The following C8orf34 variants were observed in gnomAD, a reference collection of about 807,000 sequenced individuals.
C8orf34 encodes the protein chromosome 8 open reading frame 34, also known as uncharacterized protein C8orf34.
C8orf34 carries 65 observed loss-of-function variants against 68.3 expected under a neutral mutation model. The observed-to-expected ratio is 0.95, with a 90% CI of 0.78 to 1.17. The LOEUF (loss-of-function observed/expected upper bound fraction) is 1.17, where lower values mean the gene tolerates loss of function less well. C8orf34 is among the 50% of genes most tolerant of loss of function. The probability of loss-of-function intolerance (pLI) is 0.00; values close to 1 mark genes in which losing one functional copy is unlikely to be tolerated. For missense variants in C8orf34, 664 were observed against 655.4 expected (o/e 1.01, Z -0.14); for synonymous variants, 244 against 241.2 (o/e 1.01, Z -0.11).
At chr8:68,779,043 G>A (rs989281257) in intron 11 of C8orf34, among the ~76,000 whole-genome samples, 1 of 151,976 alleles carries the variant, frequency 6.6e-6, no homozygotes, top group Non-Finnish European at 1.5e-5. Context: ...CAGGCATAGT[G>A]GCACACACCT....
chr8:68,561,585 T>G (rs1816429603), intron 7 of C8orf34, among the ~76,000 whole-genome samples: 1 of 151,986 alleles, frequency 6.6e-6, no homozygotes, highest in African/African-American at 2.4e-5. Flanking sequence ...GGTGGAATCC[T>G]GTCTCTACTA....
intron 7 of C8orf34, among the ~76,000 whole-genome samples, chr8:68,610,822 T>A (rs1215868930): frequency 6.6e-6 from 1 of 151,644 alleles, no homozygotes; most frequent in African/African-American, 2.4e-5. Flanking sequence ...AGAAAAAAAA[T>A]TGGATTAATT....
chr8:68,794,584 A>G (rs1417045443), intron 12 of C8orf34, among the ~76,000 whole-genome samples: 4 of 143,782 alleles, frequency 2.8e-5, no homozygotes, highest in Non-Finnish European at 6.0e-5. Context: ...AGCTCACTGC[A>G]GCCTCAACCT....
intron 8 of C8orf34, among the ~76,000 whole-genome samples, chr8:68,659,708 T>A (rs547580783): frequency 6.6e-6 from 1 of 152,094 alleles, no homozygotes; most frequent in African/African-American, 2.4e-5. Context: ...CTTAAAAGAT[T>A]ACTTCAGTTT....
chr8:68,345,083 A>C (rs765653115), intron 1 of C8orf34, among the ~76,000 whole-genome samples: 39 of 152,092 alleles, frequency 2.6e-4, no homozygotes, highest in Non-Finnish European at 4.9e-4. Flanking sequence ...CAGACAGAGC[A>C]GGAATTTTAA....
At position 68,470,130 on chromosome 8, in the gene C8orf34, T is replaced by G. The variant is rs552825041; in HGVS notation, c.736+1310T>G. Among the ~76,000 whole-genome samples the G allele has an allele frequency of 2.0e-5, 3 of 152,166 alleles. No homozygotes were observed. The South Asian group carries it at 6.2e-4, about 31-fold the overall frequency. ...AGCTCCACGTTTGGTTAAATTTCCT[T>G]TTGTAGAAAATAAGAGTAAAGTGAG... On this transcript the variant is annotated intron_variant, in intron 4 of 13. Coordinates refer to ENST00000518698, the MANE Select transcript of C8orf34 (RefSeq NM_052958.4).
intron 12 of C8orf34, among the ~76,000 whole-genome samples, chr8:68,793,889 A>G (rs796618930): frequency 1.3e-5 from 2 of 152,314 alleles, no homozygotes; most frequent in African/African-American, 4.8e-5. Flanking sequence ...ACAGGAAATG[A>G]GGGGGAGAAA....
intron 6 of C8orf34, among the ~76,000 whole-genome samples, chr8:68,522,599 C>T (rs1277624855): frequency 2.0e-5 from 3 of 152,038 alleles, no homozygotes; most frequent in African/African-American, 4.8e-5. Flanking sequence ...CTTTACGTGC[C>T]CATGTGCTGG....
In C8orf34 at chr8:68,552,705, T is replaced by C. The variant is rs563137391; in HGVS notation, c.1105+19556T>C. Among the ~76,000 whole-genome samples the C allele has an allele frequency of 2.3e-4, 35 of 152,192 alleles. No homozygotes were observed. In the South Asian group the frequency reaches 7.1e-3, roughly 31 times the overall value. ...CATTAAGTATATGTTGGCTGTGGAT[T>C]TTTTGTAGATTCTCTGTTAACTTGA... On this transcript the variant is annotated intron_variant, in intron 7 of 13. Transcript: ENST00000518698.
At chr8:68,359,072 A>T (rs979814055) in intron 1 of C8orf34, among the ~76,000 whole-genome samples, 5 of 152,158 alleles carry the variant, frequency 3.3e-5, no homozygotes, top group Non-Finnish European at 7.4e-5. Flanking sequence ...CTTACCAAAC[A>T]TTAAAAAGGA....
rs142604975 is a variant in C8orf34 at position 68,398,259 on chromosome 8, A to G, written c.328-41240A>G. The stretch of plus-strand genomic sequence containing the variant: ...TTTATTTAGTCTTTTAGCCAACAGA[A>G]GTCTTCAGGGCCTCTTAATTTAAAA... On this transcript the variant is annotated intron_variant, in intron 1 of 13. Coordinates refer to ENST00000518698, the MANE Select transcript of C8orf34 (RefSeq NM_052958.4). Among the ~76,000 whole-genome samples the G allele has an allele frequency of 1.1e-3, 173 of 152,316 alleles. 3 individuals are homozygous for G. The East Asian group carries it at 0.03, about 26-fold the overall frequency.
At chr8:68,494,098 C>G (rs1813423026) in intron 5 of C8orf34, among the ~76,000 whole-genome samples, 2 of 151,990 alleles carry the variant, frequency 1.3e-5, no homozygotes, top group Non-Finnish European at 1.5e-5. Context: ...TCACAATGAC[C>G]AAGAGGTGAA....
At chr8:68,444,937 G>A (rs562050755) in intron 2 of C8orf34, among the ~76,000 whole-genome samples, 1 of 152,200 alleles carries the variant, frequency 6.6e-6, no homozygotes, top group East Asian at 1.9e-4. Flanking sequence ...TCCAAGAATG[G>A]ATATAGAAAG....
At chr8:68,584,295 C>G (rs1473033678) in intron 7 of C8orf34, among the ~76,000 whole-genome samples, 1 of 151,700 alleles carries the variant, frequency 6.6e-6, no homozygotes, top group Non-Finnish European at 1.5e-5. Flanking sequence ...ATAGCGTTCT[C>G]TGAGAAAAAA....
At chr8:68,611,178 A>G (rs1818012605) in intron 7 of C8orf34, among the ~76,000 whole-genome samples, 1 of 152,146 alleles carries the variant, frequency 6.6e-6, no homozygotes, top group Non-Finnish European at 1.5e-5. Context: ...GTGAATCTTA[A>G]GATGAGTTTT....
intron 1 of C8orf34, among the ~76,000 whole-genome samples, chr8:68,367,678 T>C: frequency 7.2e-6 from 1 of 139,604 alleles, no homozygotes; most frequent in African/African-American, 2.7e-5. Flanking sequence ...ATATTCTCAC[T>C]CATAGGTGGG....
intron 13 of C8orf34, among the ~76,000 whole-genome samples, chr8:68,816,470 T>C (rs1407636239): frequency 1.3e-5 from 2 of 152,038 alleles, no homozygotes; most frequent in African/African-American, 2.4e-5. Context: ...AAAGCAAAGG[T>C]GTTGAGATTG....
intron 8 of C8orf34, among the ~76,000 whole-genome samples, chr8:68,650,475 GTC>G (rs1819317137): frequency 1.4e-5 from 2 of 142,950 alleles, no homozygotes; most frequent in African/African-American, 5.3e-5. Context: ...CCCCACCCTA[GTC>G]TTTTTTTTTT....
At chr8:68,378,548 A>G (rs1393995032) in intron 1 of C8orf34, among the ~76,000 whole-genome samples, 1 of 152,096 alleles carries the variant, frequency 6.6e-6, no homozygotes, top group Non-Finnish European at 1.5e-5. Context: ...TCAGCCTCCC[A>G]AAGTGCTGGG....
Sources: gnomAD v4.1 joint callset for allele counts (sites outside exome capture counted in the v4.1 genomes callset) on GRCh38, gnomAD v4.1.1 for gene constraint, MANE v1.5 for transcripts, NCBI Gene and HGNC (gene_info 2026-07-23, HGNC 2026-07-21) for gene names.